SUMF1: variants seen among roughly 807,000 people sequenced by gnomAD.
SUMF1 encodes the protein sulfatase modifying factor 1, also known as formylglycine-generating enzyme.
A neutral mutation model predicts 47.6 loss-of-function variants in SUMF1; 48 were observed. The observed-to-expected ratio is 1.01, with a 90% CI of 0.80 to 1.28. The LOEUF (loss-of-function observed/expected upper bound fraction) is 1.28, where lower values mean the gene tolerates loss of function less well. SUMF1 is among the 50% of genes most tolerant of loss of function. The probability of loss-of-function intolerance (pLI) is 0.00; values close to 1 mark genes in which losing one functional copy is unlikely to be tolerated. For missense variants in SUMF1, 571 were observed against 485.4 expected (o/e 1.18, Z -1.66); for synonymous variants, 230 against 192.1 (o/e 1.20, Z -1.63).
rs141322502 is a variant in SUMF1 at position 4,437,641 on chromosome 3, T to C, written c.519+11625A>G. On this transcript the variant is annotated intron_variant, in intron 3 of 8. Coordinates refer to ENST00000272902, the MANE Select transcript of SUMF1 (RefSeq NM_182760.4). The stretch of plus-strand genomic sequence containing the variant: ...ATACCCAAAAACATAAAGATACAAA[T>C]TAAAAGTGAAAAGAAGGCTGGGCAC... 8.6e-4 allele frequency among the ~76,000 whole-genome samples: 131 copies of C among 152,122 alleles called. No homozygotes were observed. The East Asian group carries it at 0.017, about 20-fold the overall frequency.
chr3:4,329,523 T>G (rs1342037338), intron 8 of SUMF1, among the ~76,000 whole-genome samples: 1 of 152,230 alleles, frequency 6.6e-6, no homozygotes, highest in Non-Finnish European at 1.5e-5. Flanking sequence ...CTTTTAGCCA[T>G]GGCTGGAGTG....
At chr3:4,428,538 C>G (rs711657) in intron 3 of SUMF1, among the ~76,000 whole-genome samples, 138,242 of 151,994 alleles carry the variant, frequency 0.91, 64,190 homozygotes, top group Non-Finnish European at 1. Context: ...AATTTTTGTA[C>G]AGATGGAGTC....
chr3:4,229,474 G>C, intron 8 of SUMF1: 1 of 229,680 alleles, frequency 4.4e-6, no homozygotes, highest in Non-Finnish European at 8.7e-6. Context: ...AAAAACTATT[G>C]CACCTCTCCA....
chr3:4,369,034 T>C (rs2637547), intron 8 of SUMF1, among the ~76,000 whole-genome samples: 92,951 of 130,812 alleles, frequency 0.71, 29,057 homozygotes, highest in South Asian at 0.8. Context: ...GAAGATAAGT[T>C]GGCATGCAAA....
chr3:4,170,461 C>T (rs1390865427), intron 8 of SUMF1, among the ~76,000 whole-genome samples: 1 of 152,110 alleles, frequency 6.6e-6, no homozygotes, highest in Non-Finnish European at 1.5e-5. Context: ...CTGACCAATG[C>T]ACCAATTTAA....
chr3:4,128,693 T>A lies in SUMF1; in HGVS notation c.1015-59948A>T, dbSNP rs138690661. ...ACTCAAAAAGAACTGCTTGAGTTTA[T>A]ATAAATTAGAGTTTATATAAATTAG... On this transcript the variant is annotated intron_variant and NMD_transcript_variant, in intron 8 of 12. Transcript: ENST00000448413. Among the ~76,000 whole-genome samples the A allele has an allele frequency of 2.9e-3, 442 of 152,280 alleles. 4 individuals are homozygous for A. Among genetic ancestry groups the A allele is most frequent in the African/African-American group, 0.01 (419 of 41,550 alleles).
At chr3:4,050,780 AAAG>A (rs1195550512) in intron 9 of SUMF1, among the ~76,000 whole-genome samples, 2 of 150,388 alleles carry the variant, frequency 1.3e-5, no homozygotes, top group African/African-American at 4.9e-5. Flanking sequence ...AGAAAAAAGA[AAAG>A]AAAAAGAAAA....
chr3:4,441,176 G>C (rs146559745), intron 3 of SUMF1, among the ~76,000 whole-genome samples: 2 of 152,148 alleles, frequency 1.3e-5, no homozygotes, highest in East Asian at 1.9e-4. Flanking sequence ...TCTGCCTCCT[G>C]TCAGATCAGT....
intron 8 of SUMF1, among the ~76,000 whole-genome samples, chr3:4,153,390 A>AT (rs1694381466): frequency 6.6e-6 from 1 of 151,006 alleles, no homozygotes. Flanking sequence ...TTTTATTTTT[A>AT]TTTTTTGTAG....
chr3:4,278,184 G>T (rs1697457543), intron 8 of SUMF1, among the ~76,000 whole-genome samples: 1 of 151,614 alleles, frequency 6.6e-6, no homozygotes, highest in Admixed American at 6.6e-5. Flanking sequence ...TGAGATCAAA[G>T]GACAAAAGCA....
intron 8 of SUMF1, among the ~76,000 whole-genome samples, chr3:4,295,374 T>C (rs1315048606): frequency 6.6e-6 from 1 of 151,734 alleles, no homozygotes; most frequent in African/African-American, 2.4e-5. Flanking sequence ...TTTTGGTAGA[T>C]TGCTCTAAAA....
intron 8 of SUMF1, 59 bp downstream of exon 8, chr3:4,376,271 G>T: frequency 6.3e-7 from 1 of 1,584,454 alleles, no homozygotes; most frequent in South Asian, 1.1e-5. Context: ...CATTTACAAT[G>T]GATCCATAAA....
chr3:4,245,973 C>T (rs549159952), intron 8 of SUMF1, among the ~76,000 whole-genome samples: 2 of 152,284 alleles, frequency 1.3e-5, no homozygotes, highest in African/African-American at 2.4e-5. Context: ...ATCGTGGATG[C>T]CCCTTTCCCT....
intron 8 of SUMF1, among the ~76,000 whole-genome samples, chr3:4,119,829 T>C (rs754197537): frequency 6.6e-6 from 1 of 152,104 alleles, no homozygotes; most frequent in African/African-American, 2.4e-5. Flanking sequence ...GAAGTTTTCC[T>C]TGGTCCTTGG....
chr3:4,367,485 C>T (rs1253886417), intron 8 of SUMF1, among the ~76,000 whole-genome samples: 2 of 151,918 alleles, frequency 1.3e-5, no homozygotes, highest in Non-Finnish European at 2.9e-5. Flanking sequence ...GAAAAAACTA[C>T]TTTAAAGTTC....
At chr3:4,184,619 G>C (rs1695162712) in intron 8 of SUMF1, among the ~76,000 whole-genome samples, 1 of 150,104 alleles carries the variant, frequency 6.7e-6, no homozygotes, top group Non-Finnish European at 1.5e-5. Flanking sequence ...AATACCATCT[G>C]TCTATATATT....
At chr3:4,143,980 TTC>T (rs200936820) in intron 8 of SUMF1, among the ~76,000 whole-genome samples, 3 of 145,016 alleles carry the variant, frequency 2.1e-5, no homozygotes, top group African/African-American at 5.1e-5. Flanking sequence ...GACCACTGTC[TTC>T]TCTCTCTTTT....
At chr3:4,123,985 T>A (rs1574904084) in intron 8 of SUMF1, among the ~76,000 whole-genome samples, 1 of 152,168 alleles carries the variant, frequency 6.6e-6, no homozygotes, top group East Asian at 1.9e-4. Context: ...TTGGCACTTT[T>A]CAGATTCAGC....
chr3:4,408,435 C>T (rs1238418506), intron 7 of SUMF1, among the ~76,000 whole-genome samples: 1 of 152,080 alleles, frequency 6.6e-6, no homozygotes, highest in Non-Finnish European at 1.5e-5. Flanking sequence ...ATTTTTGTAA[C>T]ACTTCATAAT....
Sources: allele counts gnomAD v4.1 joint callset (sites outside exome capture counted in the v4.1 genomes callset), GRCh38; gene constraint gnomAD v4.1.1; transcripts MANE v1.5; gene names NCBI Gene and HGNC (gene_info 2026-07-23, HGNC 2026-07-21).